Variants in KPNA5 observed in about 807,000 individuals in gnomAD.
KPNA5 encodes the protein karyopherin subunit alpha 5.
A neutral mutation model predicts 71.3 loss-of-function variants in KPNA5; 46 were observed. The ratio of observed to expected loss-of-function variants is 0.65; its 90% CI spans 0.51 to 0.83. The LOEUF (loss-of-function observed/expected upper bound fraction) is 0.83, where lower values mean the gene tolerates loss of function less well. Among genes scored for constraint, KPNA5 ranks in the 40% least tolerant of loss-of-function variants. The pLI is 0.00. For synonymous variants in KPNA5, 207 were observed against 201.4 expected (o/e 1.03, Z -0.24); for missense variants, 547 against 628.3 (o/e 0.87, Z 1.38).
intron 13 of KPNA5, among the ~76,000 whole-genome samples, chr6:116,730,329 C>G (rs1024355630): frequency 6.6e-6 from 1 of 151,852 alleles, no homozygotes; most frequent in Non-Finnish European, 1.5e-5. Flanking sequence ...TCAAGTGATC[C>G]AGCCACCTCA....
chr6:116,687,348 A>C (rs1021854881), intron 1 of KPNA5, among the ~76,000 whole-genome samples: 9 of 152,172 alleles, frequency 5.9e-5, no homozygotes, highest in African/African-American at 2.2e-4. Context: ...ATTCAGGAAA[A>C]GGCAGAACTA....
chr6:116,737,597 G>C lies in KPNA5; in HGVS notation c.*5274G>C, dbSNP rs1445815234. ...GCAGTAAGAGACAGAGCAGTCATAG[G>C]GCTCAACTAGTTTGTTTCCTCTGTT... is the stretch of plus-strand genomic sequence containing the variant. On this transcript the variant is annotated 3_prime_UTR_variant, in exon 14 of 14. Coordinates refer to ENST00000368564, the MANE Select transcript of KPNA5 (RefSeq NM_001366306.2). The C allele has an allele frequency of 6.6e-6, 1 of 151,892 alleles. No individual in the cohort carries two copies. The highest frequency in any genetic ancestry group is 2.4e-5 in the African/African-American group (1 of 41,410). 9.4% of individuals were successfully genotyped at this position (151,892 alleles called of 1,614,324 possible). A position where few individuals can be genotyped will look rare whatever the true frequency, so the allele number is the denominator to read the frequency against.
intron 1 of KPNA5, among the ~76,000 whole-genome samples, chr6:116,685,614 A>T (rs1777548451): frequency 6.6e-6 from 1 of 152,192 alleles, no homozygotes; most frequent in Admixed American, 6.5e-5. Flanking sequence ...AGAAGACATG[A>T]TCACATTCTT....
chr6:116,694,327 C>G (rs1289644913), intron 4 of KPNA5, among the ~76,000 whole-genome samples: 3 of 152,098 alleles, frequency 2.0e-5, no homozygotes, highest in African/African-American at 4.8e-5. Flanking sequence ...TTATCTTGGG[C>G]AGTATAGCCA....
chr6:116,692,385 T>C lies in KPNA5; in HGVS notation c.333T>C (p.Leu111=), dbSNP rs1257182571. 11 of 1,588,570 alleles carry C rather than the reference T, an allele frequency of 6.9e-6. No individual in the cohort carries two copies. Among genetic ancestry groups the C allele is most frequent in the Non-Finnish European group, 6.9e-6 (8 of 1,165,926 alleles). ...LTATQKFRKL[L]SKEPNPPIDQ... Reference sequence around the variant, plus strand: ...CAACACAGAAATTTAGAAAGCTGCTTTCTAAAGGCAAGAATTATTTTCAGT... The same window carrying C: ...CAACACAGAAATTTAGAAAGCTGCTCTCTAAAGGCAAGAATTATTTTCAGT... Residue 111 remains leucine, a synonymous_variant, in exon 4 of 14, where the codon CTT becomes CTC. Transcript: ENST00000368564.
At chr6:116,686,318 T>C (rs924621738) in intron 1 of KPNA5, among the ~76,000 whole-genome samples, 4 of 152,234 alleles carry the variant, frequency 2.6e-5, no homozygotes, top group African/African-American at 9.6e-5. Flanking sequence ...GTTAACCTTT[T>C]TTTCATATGC....
At chr6:116,709,738 C>A (rs1256529245) in intron 7 of KPNA5, among the ~76,000 whole-genome samples, 2 of 151,296 alleles carry the variant, frequency 1.3e-5, no homozygotes. Context: ...GATAAATGCC[C>A]TTTATCCTGT....
chr6:116,725,782 T>A lies in KPNA5; in HGVS notation c.1031T>A (p.Leu344His). The A allele has an allele frequency of 6.2e-7, 1 of 1,613,180 alleles. No homozygotes were observed. The highest frequency in any genetic ancestry group is 8.5e-7 in the Non-Finnish European group (1 of 1,179,478). ...TTGAATTGTTCTGCATTACCCTGTC[T>A]CTTACATTTATTGAGTAGCCCAAAG... Reference protein sequence around the residue: ...VILNCSALPCLLHLLSSPKES... With the variant: ...VILNCSALPCHLHLLSSPKES... The change falls in exon 11 of 14, where the codon CTC (leucine) becomes CAC (histidine). Residue 344 changes from leucine (L) to histidine (H), a missense_variant. By Grantham distance (99) the Leu-to-His change is moderately conservative (BLOSUM62 -3). Transcript: ENST00000368564.
chr6:116,701,185 T>G (rs1405680260), intron 5 of KPNA5, among the ~76,000 whole-genome samples: 3 of 152,196 alleles, frequency 2.0e-5, no homozygotes, highest in Non-Finnish European at 2.9e-5. Flanking sequence ...TTTTTGTTAC[T>G]TATAATGACG....
At chr6:116,704,940 T>C in intron 6 of KPNA5, 132 bp from the exon 7 acceptor site, 1 of 608,526 alleles carries the variant, frequency 1.6e-6, no homozygotes, top group Non-Finnish European at 2.8e-6. Flanking sequence ...ATTTTAAAAG[T>C]TTTTCTTTTC....
At chr6:116,731,430 G>A (rs1257357660) in intron 13 of KPNA5, among the ~76,000 whole-genome samples, 1 of 152,128 alleles carries the variant, frequency 6.6e-6, no homozygotes, top group Non-Finnish European at 1.5e-5. Flanking sequence ...AGATAGGACT[G>A]CTTTGCTGCT....
At chr6:116,723,820 C>G (rs1467469590) in intron 9 of KPNA5, among the ~76,000 whole-genome samples, 1 of 151,400 alleles carries the variant, frequency 6.6e-6, no homozygotes, top group Non-Finnish European at 1.5e-5. Flanking sequence ...TATTTTGTTG[C>G]AAAATATTAA....
intron 9 of KPNA5, among the ~76,000 whole-genome samples, chr6:116,722,715 C>G (rs995312377): frequency 6.6e-6 from 1 of 152,046 alleles, no homozygotes; most frequent in Non-Finnish European, 1.5e-5. Flanking sequence ...TAGTATTTCA[C>G]CTCTATTAAA....
At chr6:116,692,189 C>A in intron 3 of KPNA5, 33 bp downstream of exon 3, 2 of 1,480,112 alleles carry the variant, frequency 1.4e-6, no homozygotes, top group Non-Finnish European at 1.9e-6. Context: ...TCAAATTATA[C>A]CTCAATAATT....
At chr6:116,729,789 G>C (rs1260532000) in intron 13 of KPNA5, 48 bp downstream of exon 13, 1 of 1,182,526 alleles carries the variant, frequency 8.5e-7, no homozygotes, top group East Asian at 2.8e-5. Context: ...TCTTATATCT[G>C]TCATACTTTC....
At chr6:116,702,189 C>T (rs1418333304) in intron 6 of KPNA5, 39 bp downstream of exon 6, 26 of 1,583,428 alleles carry the variant, frequency 1.6e-5, no homozygotes, top group Non-Finnish European at 2.1e-5. Context: ...TACTAGAATT[C>T]AGTTTTCTCT....
intron 4 of KPNA5, among the ~76,000 whole-genome samples, chr6:116,695,988 T>C (rs9489011): frequency 0.021 from 3,222 of 152,242 alleles, 114 homozygotes; most frequent in African/African-American, 0.073. Flanking sequence ...TACCCCTTTC[T>C]TACCCCCATT....
intron 8 of KPNA5, 77 bp downstream of exon 8, chr6:116,716,395 A>C (rs1267434858): frequency 1.1e-6 from 1 of 931,774 alleles, no homozygotes; most frequent in Admixed American, 2.4e-5. Context: ...TTGATGTTTA[A>C]GGAACTCCAC....
At position 116,738,145 on chromosome 6, in the gene KPNA5, G is replaced by T. The variant is rs1298502306; in HGVS notation, c.*5822G>T. ...GAAAAGAGAGAAGAATCAAATAGAC[G>T]CAATAAAAAATGATAAAGGGGATAT... On this transcript the variant is annotated 3_prime_UTR_variant, in exon 14 of 14. Coordinates refer to ENST00000368564, the MANE Select transcript of KPNA5 (RefSeq NM_001366306.2). 2 of 151,730 alleles carry T rather than the reference G, an allele frequency of 1.3e-5. No homozygotes were observed. The highest frequency in any genetic ancestry group is 2.9e-5 in the Non-Finnish European group (2 of 67,864). 9.4% of individuals were successfully genotyped at this position (151,730 alleles called of 1,614,324 possible). A position where few individuals can be genotyped will look rare whatever the true frequency, so the allele number is the denominator to read the frequency against.
Sources: allele counts gnomAD v4.1 joint callset (sites outside exome capture counted in the v4.1 genomes callset), GRCh38; gene constraint gnomAD v4.1.1; transcripts MANE v1.5; gene names NCBI Gene and HGNC (gene_info 2026-07-23, HGNC 2026-07-21).